Variants in C2 observed in about 807,000 individuals in gnomAD.
The protein encoded by C2 is C3/C5 convertase.
A neutral mutation model predicts 85.2 loss-of-function variants in C2; 64 were observed. The observed-to-expected ratio is 0.75, with a 90% CI of 0.61 to 0.92. The LOEUF is 0.92. Among genes scored for constraint, C2 ranks in the 40% least tolerant of loss-of-function variants. C2 has a pLI of 0.00. For missense variants in C2, 820 were observed against 971.6 expected (o/e 0.84, Z 2.07); for synonymous variants, 311 against 370.8 (o/e 0.84, Z 1.85).
chr6:31,938,460 A>G (rs1487278145), intron 8 of C2, among the ~76,000 whole-genome samples: 2 of 145,824 alleles, frequency 1.4e-5, no homozygotes, highest in African/African-American at 5.1e-5. Flanking sequence ...ATGTATGTAT[A>G]TATATATATA....
At chr6:31,929,086 A>G (rs765812635) in intron 3 of C2, among the ~76,000 whole-genome samples, 169 bp downstream of exon 3, 4 of 152,216 alleles carry the variant, frequency 2.6e-5, no homozygotes, top group African/African-American at 9.6e-5. Flanking sequence ...ACACATCACA[A>G]GTCTGCAAGG....
chr6:31,945,086 G>A lies in C2; in HGVS notation c.2079+57G>A, dbSNP rs561595766. 4 of 1,610,110 alleles carry A rather than the reference G, an allele frequency of 2.5e-6. No individual in the cohort carries two copies. The East Asian group carries it at 8.9e-5, about 36-fold the overall frequency. Reference sequence around the variant, plus strand: ...GTTACAGGATCTCAGCCTTGTTGGGGGGATGAGGGAGGCCTTTGAGGGATC... The same window carrying A: ...GTTACAGGATCTCAGCCTTGTTGGGAGGATGAGGGAGGCCTTTGAGGGATC... On this transcript the variant is annotated intron_variant, in intron 17 of 17. Coordinates refer to ENST00000299367, the MANE Select transcript of C2 (RefSeq NM_000063.6). The surrounding 1 kb of genome is among the most constrained non-coding windows in gnomAD (Gnocchi z 5.3).
In C2 at chr6:31,922,023, G is replaced by GACCAGGT. The variant is rs1347177650; in HGVS notation, c.-100+1997_-100+1998insACCAGGT. Among the ~76,000 whole-genome samples, 2 of 152,080 alleles carry GACCAGGT rather than the reference G, an allele frequency of 1.3e-5. No individual in the cohort carries two copies. The highest frequency in any genetic ancestry group is 2.9e-5 in the Non-Finnish European group (2 of 68,010). On this transcript the variant is annotated intron_variant, in intron 1 of 3. Transcript: ENST00000413154. The surrounding 1 kb of genome is among the most constrained non-coding windows in gnomAD (Gnocchi z 4.8). ...GAGTTATCCCATGGTCCAGGGTGAG[G>GACCAGGT]GAGCCCAGTATTTATACCAATCAGT...
At chr6:31,931,918 C>CGG in intron 3 of C2, among the ~76,000 whole-genome samples, 1 of 75,612 alleles carries the variant, frequency 1.3e-5, no homozygotes, top group Admixed American at 1.9e-4. Context: ...CCCTCCCGGA[C>CGG]GGCGCGGCTG....
At chr6:31,937,232 C>T (rs1582100089) in intron 7 of C2, 87 bp from the exon 8 acceptor site, 2 of 1,418,508 alleles carry the variant, frequency 1.4e-6, no homozygotes, top group African/African-American at 1.4e-5. Flanking sequence ...ATTGCATTTC[C>T]AATAATTGGG....
chr6:31,912,860 A>G (rs28435656), intron 1 of C2, among the ~76,000 whole-genome samples: 10 of 145,370 alleles, frequency 6.9e-5, no homozygotes, highest in Admixed American at 1.4e-4. Flanking sequence ...AAAAAAAAAA[A>G]AGAGATTGGT....
chr6:31,897,892 C>T (rs762043023), upstream of C2: 2 of 1,056,628 alleles, frequency 1.9e-6, no homozygotes, highest in Non-Finnish European at 2.3e-6. Context: ...GGACCGAGGG[C>T]GAGACACGCC....
Position 31,943,603 on chromosome 6 carries a change from C to T in C2, c.1568-41C>T. 6.2e-7 allele frequency: 1 copy of T among 1,611,460 alleles called. No individual in the cohort carries two copies. Among genetic ancestry groups the T allele is most frequent in the Non-Finnish European group, 8.5e-7 (1 of 1,178,594 alleles). On this transcript the variant is annotated intron_variant, in intron 12 of 17. Transcript: ENST00000299367. This position sits in a 1 kb window ranked among gnomAD's most constrained non-coding sequence, Gnocchi z 6.4. ...CACCTCACCCAGCCTCTGGCCCCTG[C>T]AGGAGCCCTGGTCTAGCCTAATCTA... is the stretch of plus-strand genomic sequence containing the variant.
intron 9 of C2, among the ~76,000 whole-genome samples, chr6:31,939,934 GCCCGGCTCATTTT>G (rs2151764828): frequency 6.6e-6 from 1 of 152,094 alleles, no homozygotes; most frequent in Non-Finnish European, 1.5e-5. Flanking sequence ...GTGCCACCAT[GCCCGGCTCATTTT>G]TGCATTTTTA....
In C2 at chr6:31,920,722, C is replaced by A. The variant is rs1185307821; in HGVS notation, c.-100+696C>A. 6.6e-6 allele frequency among the ~76,000 whole-genome samples: 1 copy of A among 152,172 alleles called. No homozygotes were observed. Among genetic ancestry groups the A allele is most frequent in the Non-Finnish European group, 1.5e-5 (1 of 68,028 alleles). On this transcript the variant is annotated intron_variant, in intron 1 of 3. Coordinates refer to the C2 transcript ENST00000413154. This position sits in a 1 kb window ranked among gnomAD's most constrained non-coding sequence, Gnocchi z 5.6. ...ATGGACACCCTGGTACACCCCAGGCCTGTGAGTCTTTAGAGGTTGAGTTTT... is the reference window on the plus strand; with the variant it reads ...ATGGACACCCTGGTACACCCCAGGCATGTGAGTCTTTAGAGGTTGAGTTTT...
upstream of C2, among the ~76,000 whole-genome samples, chr6:31,923,738 C>T (rs1489141784): frequency 1.3e-5 from 2 of 151,892 alleles, no homozygotes; most frequent in Admixed American, 1.3e-4. Context: ...ATCCGCCCGC[C>T]TCGGCCTCCC....
chr6:31,927,690 G>A, upstream of C2: 2 of 1,612,526 alleles, frequency 1.2e-6, no homozygotes, highest in South Asian at 1.1e-5. This position sits in a 1 kb window ranked among gnomAD's most constrained non-coding sequence, Gnocchi z 4.7. Flanking sequence ...TAGTTTTCGG[G>A]AAGTCAGATG....
Position 31,943,261 on chromosome 6 carries a change from G to A in C2, c.1397G>A (p.Gly466Glu). 1 of 1,613,098 alleles carries A rather than the reference G, an allele frequency of 6.2e-7. No individual in the cohort carries two copies. Among genetic ancestry groups the A allele is most frequent in the Non-Finnish European group, 8.5e-7 (1 of 1,180,028 alleles). The change falls in exon 11 of 18, where the codon GGG becomes GAG. Residue 466 changes from glycine (G) to glutamate (E), a missense_variant. Transcript: ENST00000299367. The surrounding 1 kb of genome is among the most constrained non-coding windows in gnomAD (Gnocchi z 6.4). ...SKLTDTICGVGNMSANASDQE... is the reference protein window; with the variant it reads ...SKLTDTICGVENMSANASDQE... ...CTCACAGACACCATCTGCGGGGTGGGGAACATGTCAGCAAACGCCTCTGAC... is the reference window on the plus strand; with the variant it reads ...CTCACAGACACCATCTGCGGGGTGGAGAACATGTCAGCAAACGCCTCTGAC...
At chr6:31,919,038 C>A (rs1358129582), upstream of C2, among the ~76,000 whole-genome samples, 1 of 152,088 alleles carries the variant, frequency 6.6e-6, no homozygotes, top group East Asian at 1.9e-4. Context: ...CTCTACTTTA[C>A]AATATGTTTG....
At chr6:31,900,367 C>G (rs755111104), upstream of C2, 2 of 1,564,096 alleles carry the variant, frequency 1.3e-6, no homozygotes, top group Non-Finnish European at 1.7e-6. This position sits in a 1 kb window ranked among gnomAD's most constrained non-coding sequence, Gnocchi z 9.7. Context: ...GGCTGCCCCC[C>G]GCCCCCAGGC....
At chr6:31,905,066 G>A (rs1767627084) in intron 1 of C2, among the ~76,000 whole-genome samples, 1 of 152,052 alleles carries the variant, frequency 6.6e-6, no homozygotes, top group Non-Finnish European at 1.5e-5. Context: ...AAAACCAGGG[G>A]CTTTCCTGTC....
At chr6:31,900,417 C>T, upstream of C2, 2 of 1,549,720 alleles carry the variant, frequency 1.3e-6, no homozygotes, top group Non-Finnish European at 8.7e-7. The surrounding 1 kb of genome is among the most constrained non-coding windows in gnomAD (Gnocchi z 9.7). Flanking sequence ...ACCGCTGCTG[C>T]TTCCACCAGG....
chr6:31,898,223 T>TGG (rs1766845815), upstream of C2, among the ~76,000 whole-genome samples: 2 of 152,296 alleles, frequency 1.3e-5, no homozygotes, highest in Non-Finnish European at 2.9e-5. Flanking sequence ...TGGCTAAATG[T>TGG]CTCTTCTGTT....
At position 31,944,328 on chromosome 6, in the gene C2, T is replaced by C. The variant is rs1488538502; in HGVS notation, c.1902+102T>C. The C allele has an allele frequency of 1.2e-6, 1 of 826,338 alleles. No homozygotes were observed. The highest frequency in any genetic ancestry group is 2.1e-6 in the Non-Finnish European group (1 of 479,504). 51.2% of individuals were successfully genotyped at this position (826,338 alleles called of 1,614,324 possible). Reference sequence around the variant, plus strand: ...GGCTGCTTTCTCTCTCTGACGCGGGTCACCCCTCCTCCCAAGCCTCACAAA... The same window carrying C: ...GGCTGCTTTCTCTCTCTGACGCGGGCCACCCCTCCTCCCAAGCCTCACAAA... On this transcript the variant is annotated intron_variant, in intron 15 of 17. Coordinates refer to ENST00000299367, the MANE Select transcript of C2 (RefSeq NM_000063.6). The surrounding 1 kb of genome is among the most constrained non-coding windows in gnomAD (Gnocchi z 5.1).
Sources: allele counts gnomAD v4.1 joint callset (sites outside exome capture counted in the v4.1 genomes callset), GRCh38; gene constraint gnomAD v4.1.1; non-coding constraint Gnocchi (gnomAD v3.1); transcripts MANE v1.5; gene names NCBI Gene and HGNC (gene_info 2026-07-23, HGNC 2026-07-21).